The following NEXMIF variants were observed in gnomAD, a reference collection of about 807,000 sequenced individuals.
NEXMIF encodes the protein neurite extension and migration factor.
Under a neutral mutation model 62.1 loss-of-function variants are expected in NEXMIF, and 8 were observed. The observed-to-expected ratio is 0.13, with a 90% confidence interval of 0.08 to 0.23. NEXMIF has a LOEUF of 0.23. NEXMIF is among the 10% of genes least tolerant of loss of function. The probability of loss-of-function intolerance (pLI) is 1.00; values close to 1 mark genes in which losing one functional copy is unlikely to be tolerated. For synonymous variants in NEXMIF, 404 were observed against 416.6 expected (o/e 0.97, Z 0.37); for missense variants, 976 against 1,113.3 (o/e 0.88, Z 1.75).
chrX:74,828,426 T>A (rs1428143830), intron 1 of NEXMIF, among the ~76,000 whole-genome samples: 2 of 111,955 alleles, frequency 1.8e-5, no homozygotes. Flanking sequence ...AAAATATTCA[T>A]GCTTATTATC....
chrX:74,864,651 T>C (rs1465557357), intron 1 of NEXMIF, among the ~76,000 whole-genome samples: 1 of 112,189 alleles, frequency 8.9e-6, no homozygotes, highest in East Asian at 2.8e-4. Context: ...TTCCCAGCCA[T>C]GGGGAACTGT....
At chrX:74,862,204 AAC>A (rs1365230904) in intron 1 of NEXMIF, among the ~76,000 whole-genome samples, 1 of 111,478 alleles carries the variant, frequency 9.0e-6, no homozygotes, top group Non-Finnish European at 1.9e-5. Flanking sequence ...TTTCTGACAA[AAC>A]AGACTTTAAA....
chrX:74,869,997 C>T (rs2080594572), intron 1 of NEXMIF, among the ~76,000 whole-genome samples: 1 of 110,905 alleles, frequency 9.0e-6, no homozygotes, highest in Non-Finnish European at 1.9e-5. Flanking sequence ...CCAAAACAGA[C>T]CCAGAATAGC....
intron 1 of NEXMIF, among the ~76,000 whole-genome samples, chrX:74,808,610 C>T (rs1209455850): frequency 8.9e-6 from 1 of 111,915 alleles, no homozygotes; most frequent in Admixed American, 9.5e-5. Flanking sequence ...TTCCATCTAC[C>T]TCAACTTTCT....
chrX:74,837,609 C>T (rs150917917), intron 1 of NEXMIF, among the ~76,000 whole-genome samples: 1,343 of 112,392 alleles, frequency 0.012, 7 homozygotes, highest in Admixed American at 0.019. Context: ...TCTTGTCCTG[C>T]TCCTCTTTAT....
chrX:74,739,360 C>T lies in NEXMIF; in HGVS notation c.*45G>A. 1 of 937,103 alleles carries T rather than the reference C, an allele frequency of 1.1e-6. No individual in the cohort carries two copies. The highest frequency in any genetic ancestry group is 1.5e-6 in the Non-Finnish European group (1 of 669,986). 77.2% of individuals were successfully genotyped at this position (937,103 alleles called of 1,213,427 possible). Reference sequence around the variant, plus strand: ...TTTTCTTTAAGCACTTACATGTCAACATACATACCACAAGGCATATTTTGA... The same window carrying T: ...TTTTCTTTAAGCACTTACATGTCAATATACATACCACAAGGCATATTTTGA... On this transcript the variant is annotated 3_prime_UTR_variant, in exon 4 of 4. Transcript: ENST00000055682.
intron 1 of NEXMIF, among the ~76,000 whole-genome samples, chrX:74,802,094 C>T (rs758269382): frequency 8.9e-6 from 1 of 112,260 alleles, no homozygotes; most frequent in South Asian, 3.8e-4. Flanking sequence ...TCCCTGGCAC[C>T]TGTACAGCAC....
chrX:74,857,338 AG>A (rs774493293), intron 1 of NEXMIF, among the ~76,000 whole-genome samples: 1 of 112,369 alleles, frequency 8.9e-6, no homozygotes, highest in African/African-American at 3.2e-5. Flanking sequence ...AAAGCAGAAT[AG>A]GGCACTGGTC....
rs184775969 is a variant in NEXMIF at position 74,864,473 on chromosome X, T to C, written c.-48+60410A>G. On this transcript the variant is annotated intron_variant, in intron 1 of 3. Coordinates refer to ENST00000055682, the MANE Select transcript of NEXMIF (RefSeq NM_001008537.3). The stretch of plus-strand genomic sequence containing the variant: ...GTGGGAGGGACCCAGTTGGAAGTAA[T>C]TGAATCATGGGGGCAGGTTTTTCCC... 5.0e-3 allele frequency among the ~76,000 whole-genome samples: 563 copies of C among 111,673 alleles called. 3 individuals are homozygous for C. The highest frequency in any genetic ancestry group is 9.2e-3 in the Middle Eastern group (2 of 217).
At chrX:74,785,318 A>T (rs190477692) in intron 1 of NEXMIF, among the ~76,000 whole-genome samples, 1 of 110,931 alleles carries the variant, frequency 9.0e-6, no homozygotes, top group Non-Finnish European at 1.9e-5. Flanking sequence ...AGTAGAATTC[A>T]GTTCTTTCCA....
At chrX:74,857,652 T>C (rs2080540180) in intron 1 of NEXMIF, among the ~76,000 whole-genome samples, 1 of 111,078 alleles carries the variant, frequency 9.0e-6, no homozygotes, top group Non-Finnish European at 1.9e-5. Context: ...TAAAGGGAAT[T>C]TTGCACTTTA....
At chrX:74,890,053 C>T (rs923411393) in intron 1 of NEXMIF, among the ~76,000 whole-genome samples, 8 of 106,689 alleles carry the variant, frequency 7.5e-5, no homozygotes, top group African/African-American at 1.4e-4. Flanking sequence ...TCTACCAAAT[C>T]GGTACTTAGT....
In NEXMIF at chrX:74,740,937, C is replaced by T. The variant is rs868447735; in HGVS notation, c.3620G>A (p.Gly1207Glu). The T allele has an allele frequency of 8.3e-7, 1 of 1,210,051 alleles. No homozygotes were observed. The highest frequency in any genetic ancestry group is 1.7e-5 in the African/African-American group (1 of 57,192). ...GTTTTTGCCAGGTGGTTTTTCAATC[C>T]CCTTGTTGTTACCTTTGAGGGATTT... is the stretch of plus-strand genomic sequence containing the variant. ...RKKSLKGNNK[G>E]IEKPPGKNSR... Residue 1207 changes from glycine to glutamate, a missense_variant, in exon 3 of 4, where the codon GGG becomes GAG. Gly to Glu is a moderately conservative substitution (Grantham distance 98, BLOSUM62 -2). Transcript: ENST00000055682.
chrX:74,903,154 C>T (rs1205085953), intron 1 of NEXMIF, among the ~76,000 whole-genome samples: 1 of 111,503 alleles, frequency 9.0e-6, no homozygotes, highest in East Asian at 2.8e-4. Context: ...AGCAAATACA[C>T]GTTCACTGAG....
intron 1 of NEXMIF, among the ~76,000 whole-genome samples, chrX:74,845,656 A>C (rs1411107496): frequency 1.8e-5 from 2 of 111,621 alleles, no homozygotes; most frequent in African/African-American, 6.5e-5. Context: ...ATACAAACCT[A>C]TTTGTGATAT....
At chrX:74,843,819 C>A (rs764880051) in intron 1 of NEXMIF, among the ~76,000 whole-genome samples, 1 of 112,187 alleles carries the variant, frequency 8.9e-6, no homozygotes, top group Non-Finnish European at 1.9e-5. Context: ...TTGATCCTGT[C>A]ATTGTGCTGT....
At chrX:74,800,421 T>C (rs1407543410) in intron 1 of NEXMIF, among the ~76,000 whole-genome samples, 1 of 111,693 alleles carries the variant, frequency 9.0e-6, no homozygotes, top group East Asian at 2.8e-4. Context: ...CCTATTTTTA[T>C]TTACTTTAAA....
chrX:74,862,906 C>T (rs1273827299), intron 1 of NEXMIF, among the ~76,000 whole-genome samples: 1 of 111,551 alleles, frequency 9.0e-6, no homozygotes, highest in African/African-American at 3.3e-5. Context: ...CACAGTGGCT[C>T]ATGCCTGTAA....
rs920117384 is a variant in NEXMIF at position 74,733,520 on chromosome X, T to C, written c.*5885A>G. 1.8e-5 allele frequency: 2 copies of C among 112,207 alleles called. No individual in the cohort carries two copies. Among genetic ancestry groups the C allele is most frequent in the African/African-American group, 3.2e-5 (1 of 30,780 alleles). The allele number at this position is 112,207 out of a possible 1,213,427, so 9.2% of individuals were successfully genotyped here. On this transcript the variant is annotated 3_prime_UTR_variant, in exon 4 of 4. Transcript: ENST00000055682. The stretch of plus-strand genomic sequence containing the variant: ...GATAAAGAACGTTTTATTTGGGACA[T>C]AGATTTAATTAGAAATGGTTTGATT...
Sources: allele counts gnomAD v4.1 joint callset (sites outside exome capture counted in the v4.1 genomes callset), GRCh38; gene constraint gnomAD v4.1.1; transcripts MANE v1.5; gene names NCBI Gene and HGNC (gene_info 2026-07-23, HGNC 2026-07-21).